The following EGLN3 variants were observed in gnomAD, a reference collection of about 807,000 sequenced individuals.
EGLN3 encodes egl-9 family hypoxia inducible factor 3, also known as prolyl hydroxylase EGLN3.
A neutral mutation model predicts 26.0 loss-of-function variants in EGLN3; 15 were observed. That is an observed-to-expected ratio of 0.58 (90% confidence interval 0.39 to 0.89). The LOEUF is 0.89. Among genes scored for constraint, EGLN3 ranks in the 40% least tolerant of loss-of-function variants. EGLN3 has a pLI of 0.00. For synonymous variants in EGLN3, 147 were observed against 127.2 expected (o/e 1.16, Z -1.05); for missense variants, 238 against 311.6 (o/e 0.76, Z 1.78).
intron 1 of EGLN3, among the ~76,000 whole-genome samples, chr14:33,937,158 T>C (rs1173990072): frequency 1.3e-5 from 2 of 152,232 alleles, no homozygotes; most frequent in African/African-American, 4.8e-5. Flanking sequence ...TCACATTTGC[T>C]GCCAGCTGGT....
At chr14:33,943,411 AAC>A (rs1242697100) in intron 1 of EGLN3, among the ~76,000 whole-genome samples, 5 of 152,222 alleles carry the variant, frequency 3.3e-5, no homozygotes, top group Non-Finnish European at 7.3e-5. Flanking sequence ...GCATTTGACA[AAC>A]ACTAGAGAAA....
intron 3 of EGLN3, among the ~76,000 whole-genome samples, 186 bp downstream of exon 3, chr14:33,928,890 G>A (rs2064380915): frequency 6.6e-6 from 1 of 152,172 alleles, no homozygotes; most frequent in Non-Finnish European, 1.5e-5. Context: ...TCAAACTGAG[G>A]TTAGGTTTGA....
At chr14:33,940,951 G>A (rs1274475576) in intron 1 of EGLN3, among the ~76,000 whole-genome samples, 1 of 152,108 alleles carries the variant, frequency 6.6e-6, no homozygotes. Context: ...GTTGAATGTC[G>A]GTGCGAGTCT....
chr14:33,929,309 C>T, intron 2 of EGLN3, 97 bp from the exon 3 acceptor site: 3 of 1,462,368 alleles, frequency 2.1e-6, no homozygotes, highest in Non-Finnish European at 1.9e-6. Flanking sequence ...ATCTGCTAAC[C>T]ACCACTCCAA....
rs555283630 is a variant in EGLN3, at chr14:33,947,847, C to T, written c.357+2549G>A. 7.0e-4 allele frequency among the ~76,000 whole-genome samples: 107 copies of T among 152,132 alleles called. 1 individual carries two copies. The highest frequency in any genetic ancestry group is 3.4e-3 in the Middle Eastern group (1 of 294). On this transcript the variant is annotated intron_variant, in intron 1 of 4. Transcript: ENST00000250457. ...CGGGTGGATCATGAGGTCAAGAGATCGAGACCAGCCCGGCCAACATGGTGA... is the reference window on the plus strand; with the variant it reads ...CGGGTGGATCATGAGGTCAAGAGATTGAGACCAGCCCGGCCAACATGGTGA...
chr14:33,942,571 T>C (rs1249887830), intron 1 of EGLN3, among the ~76,000 whole-genome samples: 1 of 152,164 alleles, frequency 6.6e-6, no homozygotes, highest in Non-Finnish European at 1.5e-5. Context: ...CAAGCAATGC[T>C]CAAATGAAAT....
intron 1 of EGLN3, among the ~76,000 whole-genome samples, chr14:33,935,297 G>A (rs530865907): frequency 5.5e-4 from 84 of 152,212 alleles, no homozygotes; most frequent in African/African-American, 1.8e-3. Flanking sequence ...GCTGTAGAAC[G>A]TCTCTTCTTC....
At chr14:33,936,236 T>TATAAATAAATAAATAAATAAATAA (rs149218618) in intron 1 of EGLN3, among the ~76,000 whole-genome samples, 2,032 of 150,094 alleles carry the variant, frequency 0.014, 41 homozygotes, top group African/African-American at 0.04. Flanking sequence ...TCTCAAAAAA[T>TATAAATAAATAAATAAATAAATAA]ATAAATAAAT....
intron 1 of EGLN3, among the ~76,000 whole-genome samples, chr14:33,934,431 T>G (rs774370861): frequency 6.7e-6 from 1 of 148,246 alleles, no homozygotes; most frequent in African/African-American, 2.5e-5. Flanking sequence ...AAGGAAACAG[T>G]GGTTCTGTTA....
Position 33,925,589 on chromosome 14 carries a change from C to T in EGLN3, c.*302G>A, listed in dbSNP as rs1213108561. The T allele has an allele frequency of 5.4e-6, 2 of 368,398 alleles. No homozygotes were observed. Among genetic ancestry groups the T allele is most frequent in the Non-Finnish European group, 1.0e-5 (2 of 200,302 alleles). The allele number at this position is 368,398 out of a possible 1,614,324, so 22.8% of individuals were successfully genotyped here. A position where few individuals can be genotyped will look rare whatever the true frequency, so the allele number is the denominator to read the frequency against. On this transcript the variant is annotated 3_prime_UTR_variant, in exon 5 of 5. Transcript: ENST00000250457. ...AAGTAAGGTTCATTCCCTCGCTGTG[C>T]TCCTAGGCTCTTCTCTTGATAGTAT...
intron 1 of EGLN3, 142 bp from the exon 2 acceptor site, chr14:33,931,357 A>G: frequency 7.8e-7 from 1 of 1,285,240 alleles, no homozygotes. Flanking sequence ...AATTTCATGT[A>G]TGGTACATAA....
intron 1 of EGLN3, among the ~76,000 whole-genome samples, chr14:33,945,791 TTAAAG>T (rs546747854): frequency 2.0e-5 from 3 of 152,228 alleles, no homozygotes; most frequent in African/African-American, 7.2e-5. Context: ...CATTTTTCCC[TTAAAG>T]TAGTTTGCAA....
Position 33,931,089 on chromosome 14 carries a change from A to C in EGLN3, c.477+7T>G. On this transcript the variant is annotated splice_region_variant and intron_variant, in intron 2 of 4. Transcript: ENST00000250457. ...CCCCACACTCTACTCCCATTATTCAAAAGTACCTTGGCATCCCAATTCTTG... is the reference window on the plus strand; with the variant it reads ...CCCCACACTCTACTCCCATTATTCACAAGTACCTTGGCATCCCAATTCTTG... The C allele has an allele frequency of 6.2e-7, 1 of 1,614,164 alleles. No individual in the cohort carries two copies. The highest frequency in any genetic ancestry group is 8.5e-7 in the Non-Finnish European group (1 of 1,180,010).
At chr14:33,947,384 C>T (rs975711898) in intron 1 of EGLN3, among the ~76,000 whole-genome samples, 1 of 152,180 alleles carries the variant, frequency 6.6e-6, no homozygotes, top group Non-Finnish European at 1.5e-5. Flanking sequence ...ATGAGGTAGA[C>T]AAATTCTGAC....
chr14:33,927,392 C>A (rs1218841251), intron 3 of EGLN3, among the ~76,000 whole-genome samples: 1 of 152,116 alleles, frequency 6.6e-6, no homozygotes, highest in African/African-American at 2.4e-5. Context: ...TGGTCTCGAT[C>A]TCTTGACCTG....
chr14:33,937,676 T>A (rs1232890158), intron 1 of EGLN3, among the ~76,000 whole-genome samples: 1 of 152,212 alleles, frequency 6.6e-6, no homozygotes, highest in Non-Finnish European at 1.5e-5. Context: ...TGCAGACTAC[T>A]TCTGCCCTCC....
chr14:33,925,960 G>A, intron 4 of EGLN3, 38 bp from the exon 5 acceptor site: 2 of 1,606,052 alleles, frequency 1.2e-6, no homozygotes, highest in South Asian at 2.2e-5. Flanking sequence ...AGAGGGTATG[G>A]AGTCAGCTCT....
chr14:33,944,513 C>T (rs986205261), intron 1 of EGLN3, among the ~76,000 whole-genome samples: 3 of 152,220 alleles, frequency 2.0e-5, no homozygotes, highest in African/African-American at 4.8e-5. Context: ...TGCTGAATGA[C>T]TGAGACATTG....
intron 1 of EGLN3, among the ~76,000 whole-genome samples, chr14:33,939,951 T>C (rs554957842): frequency 1.3e-5 from 2 of 152,324 alleles, no homozygotes; most frequent in East Asian, 1.9e-4. Context: ...ACTTGAAATA[T>C]TTGACTCCAC....
Sources: gnomAD v4.1 joint callset for allele counts (sites outside exome capture counted in the v4.1 genomes callset) on GRCh38, gnomAD v4.1.1 for gene constraint, MANE v1.5 for transcripts, NCBI Gene and HGNC (gene_info 2026-07-23, HGNC 2026-07-21) for gene names.